Variants in GPHN observed in about 807,000 individuals in gnomAD.
The protein encoded by GPHN is gephyrin.
Under a neutral mutation model 95.5 loss-of-function variants are expected in GPHN, and 17 were observed. The ratio of observed to expected loss-of-function variants is 0.18; its 90% confidence interval spans 0.12 to 0.27. The LOEUF is 0.27. Among genes scored for constraint, GPHN ranks in the 10% least tolerant of loss-of-function variants. The pLI, the probability that GPHN is intolerant of heterozygous loss-of-function variation, is 1.00. For missense variants in GPHN, 660 were observed against 978.1 expected, an observed-to-expected ratio of 0.67 and a Z score of 4.34; for synonymous variants, 320 against 322.5, an observed-to-expected ratio of 0.99 and a Z score of 0.08.
intron 1 of GPHN, among the ~76,000 whole-genome samples, chr14:66,520,125 G>A (rs1352560212): frequency 6.6e-6 from 1 of 152,096 alleles, no homozygotes; most frequent in Non-Finnish European, 1.5e-5. Flanking sequence ...GTCCCTAATT[G>A]ATGGACATCG....
chr14:66,874,725 A>AT (rs1193886866), intron 4 of GPHN, among the ~76,000 whole-genome samples: 1 of 152,198 alleles, frequency 6.6e-6, no homozygotes, highest in Non-Finnish European at 1.5e-5. Context: ...ATGAAAAGGA[A>AT]TGAACAGAGC....
intron 9 of GPHN, among the ~76,000 whole-genome samples, chr14:67,014,310 ATTATC>A (rs1314274803): frequency 2.0e-5 from 3 of 152,148 alleles, no homozygotes; most frequent in Admixed American, 2.0e-4. Context: ...AGATGTTATT[ATTATC>A]TTCACTTATA....
chr14:66,555,335 C>T (rs966395549), intron 1 of GPHN, among the ~76,000 whole-genome samples: 5 of 152,098 alleles, frequency 3.3e-5, no homozygotes, highest in African/African-American at 1.2e-4. Flanking sequence ...TGTATTGATA[C>T]AGCATCTGTA....
At chr14:67,319,397 T>C in the GPHN span, among the ~76,000 whole-genome samples, 1 of 152,208 alleles carries the variant, frequency 6.6e-6, no homozygotes, top group Non-Finnish European at 1.5e-5. Flanking sequence ...TGTCATAATT[T>C]ATACCTCATT....
chr14:67,415,732 G>T, the GPHN span, among the ~76,000 whole-genome samples: 1 of 152,142 alleles, frequency 6.6e-6, no homozygotes, highest in East Asian at 1.9e-4. Flanking sequence ...CAACCCAAAT[G>T]CCCATCAATG....
intron 10 of GPHN, among the ~76,000 whole-genome samples, chr14:67,041,450 G>A (rs534730696): frequency 6.6e-6 from 1 of 151,972 alleles, no homozygotes; most frequent in African/African-American, 2.4e-5. Flanking sequence ...TCCCACTTAG[G>A]AGTGAGAACA....
chr14:67,295,342 T>C, the GPHN span, among the ~76,000 whole-genome samples: 3 of 151,506 alleles, frequency 2.0e-5, no homozygotes, highest in Non-Finnish European at 4.4e-5. Context: ...ATACAAAAAT[T>C]AGCTGGCTGT....
chr14:67,526,390 C>T, the GPHN span, among the ~76,000 whole-genome samples: 3 of 152,242 alleles, frequency 2.0e-5, no homozygotes, highest in Non-Finnish European at 4.4e-5. Flanking sequence ...GGAATGAGTG[C>T]CAAGCTGACG....
chr14:66,720,541 C>A (rs1011134419), intron 2 of GPHN, among the ~76,000 whole-genome samples: 2 of 152,116 alleles, frequency 1.3e-5, no homozygotes, highest in African/African-American at 4.8e-5. Flanking sequence ...AAATATCAGA[C>A]CAGTTTTTCC....
the GPHN span, chr14:67,580,170 G>A: frequency 3.4e-6 from 1 of 295,766 alleles, no homozygotes; most frequent in Non-Finnish European, 6.4e-6. Context: ...GGACAGTGAG[G>A]CCCCACGAAG....
At chr14:66,941,025 G>T (rs1430325326) in intron 8 of GPHN, among the ~76,000 whole-genome samples, 1 of 152,130 alleles carries the variant, frequency 6.6e-6, no homozygotes, top group Non-Finnish European at 1.5e-5. Flanking sequence ...CCTATTTATT[G>T]CCATCACCTG....
chr14:67,307,829 C>T, the GPHN span, among the ~76,000 whole-genome samples: 3 of 152,046 alleles, frequency 2.0e-5, no homozygotes, highest in Admixed American at 6.6e-5. Flanking sequence ...GTGGAATCAA[C>T]CTAAATGCCC....
the GPHN span, among the ~76,000 whole-genome samples, chr14:67,526,427 T>C: frequency 6.6e-6 from 1 of 152,264 alleles, no homozygotes; most frequent in Non-Finnish European, 1.5e-5. Context: ...TTTGGTCTTG[T>C]GCTTTGCACA....
the GPHN span, among the ~76,000 whole-genome samples, chr14:67,607,682 A>G: frequency 1.3e-5 from 2 of 152,154 alleles, no homozygotes; most frequent in African/African-American, 2.4e-5. Context: ...GAGTATTTTT[A>G]AAAAGCTCCC....
intron 1 of GPHN, among the ~76,000 whole-genome samples, chr14:66,571,545 A>G (rs747310261): frequency 7.2e-5 from 11 of 152,038 alleles, no homozygotes; most frequent in Admixed American, 2.6e-4. Flanking sequence ...TTGGGGTCAT[A>G]TTCAAAATAC....
chr14:67,203,347 T>C, the GPHN span: 4 of 1,406,018 alleles, frequency 2.8e-6, no homozygotes, highest in South Asian at 1.4e-5. Context: ...GCATTAGCCC[T>C]GTGGATCTGA....
the GPHN span, chr14:67,691,412 A>G: frequency 1.8e-6 from 1 of 565,404 alleles, no homozygotes; most frequent in Admixed American, 3.1e-5. Context: ...ACTTTAGTTG[A>G]ATCCCACCTA....
At chr14:67,733,989 T>A in the GPHN span, 1 of 642,670 alleles carries the variant, frequency 1.6e-6, no homozygotes, top group South Asian at 1.5e-5. Flanking sequence ...TTGACCCTTC[T>A]GGGAATGTTT....
chr14:67,058,586 T>G, intron 10 of GPHN, 63 bp from the exon 11 acceptor site: 1 of 1,404,330 alleles, frequency 7.1e-7, no homozygotes, highest in Non-Finnish European at 1.0e-6. Flanking sequence ...ATATTATAAG[T>G]CATTGCCACT....
Sources: allele counts gnomAD v4.1 joint callset (sites outside exome capture counted in the v4.1 genomes callset), GRCh38; gene constraint gnomAD v4.1.1; transcripts MANE v1.5; gene names NCBI Gene and HGNC (gene_info 2026-07-23, HGNC 2026-07-21).